The following BTD variants were observed in gnomAD, a reference collection of about 807,000 sequenced individuals.
BTD encodes the protein biotinidase.
In BTD, 13 loss-of-function variants were observed where a neutral mutation model predicts 17.7. The observed-to-expected ratio is 0.74, with a 90% CI of 0.48 to 1.17. The LOEUF (loss-of-function observed/expected upper bound fraction) is 1.17, where lower values mean the gene tolerates loss of function less well. Ranked by LOEUF, BTD falls within the 50% of genes most tolerant of loss-of-function variation. The pLI is 0.00. For synonymous variants in BTD, 240 were observed against 245.2 expected, an observed-to-expected ratio of 0.98 and a Z score of 0.20; for missense variants, 674 against 650.4, an observed-to-expected ratio of 1.04 and a Z score of -0.39.
At chr3:15,638,830 T>C (rs2065427331) in intron 2 of BTD, among the ~76,000 whole-genome samples, 1 of 152,272 alleles carries the variant, frequency 6.6e-6, no homozygotes, top group Non-Finnish European at 1.5e-5. Flanking sequence ...AGCATATTAC[T>C]GTACTGAACA....
chr3:15,637,122 G>A (rs1438853163), intron 2 of BTD, among the ~76,000 whole-genome samples: 1 of 152,076 alleles, frequency 6.6e-6, no homozygotes, highest in Non-Finnish European at 1.5e-5. Flanking sequence ...CACCTTTGAG[G>A]ACAGCTGTCA....
Position 15,653,427 on chromosome 3 carries a change from A to AG in BTD, c.*7941dup, listed in dbSNP as rs1345304486. ...AGACTAAACAGAATCCCAGCAACAT[A>AG]GGACGAGGCTGGAATTCCCACACCT... On this transcript the variant is annotated 3_prime_UTR_variant, in exon 4 of 4. Coordinates refer to ENST00000643237, the MANE Select transcript of BTD (RefSeq NM_001370658.1). 6.6e-6 allele frequency among the ~76,000 whole-genome samples: 1 copy of AG among 152,268 alleles called. No homozygotes were observed. The highest frequency in any genetic ancestry group is 2.4e-5 in the African/African-American group (1 of 41,478).
chr3:15,702,121 T>C (rs1319852063), intron 3 of BTD, among the ~76,000 whole-genome samples: 1 of 152,210 alleles, frequency 6.6e-6, no homozygotes, highest in Non-Finnish European at 1.5e-5. Context: ...CTCTAACAAA[T>C]GAAAAAGATT....
At chr3:15,603,390 G>A (rs1016086880) in intron 1 of BTD, among the ~76,000 whole-genome samples, 5 of 152,226 alleles carry the variant, frequency 3.3e-5, no homozygotes, top group Non-Finnish European at 7.3e-5. Flanking sequence ...GGGCGCAGTG[G>A]CTCACACCTG....
Position 15,645,421 on chromosome 3 carries a change from G to A in BTD, c.1505G>A (p.Arg502Lys). 6.2e-7 allele frequency: 1 copy of A among 1,613,998 alleles called. No individual in the cohort carries two copies. The highest frequency in any genetic ancestry group is 2.2e-5 in the East Asian group (1 of 44,890). The change falls in exon 4 of 4, where the codon AGG (arginine) becomes AAG (lysine). Residue 502 changes from arginine (R) to lysine (K), a missense_variant. Arg to Lys is a conservative substitution (Grantham distance 26, BLOSUM62 2). Coordinates refer to ENST00000643237, the MANE Select transcript of BTD (RefSeq NM_001370658.1). ...LGWENDHYFL[R>K]KSRLSSGLVT... ...TGGGAGAATGACCACTATTTCCTGA[G>A]GAAAAGTAGGCTGTCCTCTGGGCTG...
At chr3:15,625,437 A>C (rs74889717) in intron 1 of BTD, among the ~76,000 whole-genome samples, 3,811 of 152,286 alleles carry the variant, frequency 0.025, 161 homozygotes, top group African/African-American at 0.085. Flanking sequence ...TTTTTTCTCC[A>C]GTCTTCATTG....
At chr3:15,627,398 A>T (rs188395335) in intron 1 of BTD, among the ~76,000 whole-genome samples, 8 of 152,136 alleles carry the variant, frequency 5.3e-5, no homozygotes, top group South Asian at 4.2e-4. Context: ...AATTAAAAAA[A>T]TTTTTTTTTG....
At position 15,642,029 on chromosome 3, in the gene BTD, T is replaced by C; in HGVS notation, c.371T>C (p.Leu124Pro). Residue 124 changes from leucine (L) to proline (P), a missense_variant, in exon 3 of 4, where the codon CTG becomes CCG. Coordinates refer to ENST00000643237, the MANE Select transcript of BTD (RefSeq NM_001370658.1). ...SPQVVRWNPC[L>P]EPHRFNDTEV... ...CAGGTGGTCAGGTGGAACCCATGCC[T>C]GGAGCCTCACCGCTTCAATGACACA... 1 of 1,614,200 alleles carries C rather than the reference T, an allele frequency of 6.2e-7. No homozygotes were observed. The highest frequency in any genetic ancestry group is 1.3e-5 in the African/African-American group (1 of 75,068).
At chr3:15,699,311 C>T (rs983524651) in intron 3 of BTD, among the ~76,000 whole-genome samples, 12 of 152,112 alleles carry the variant, frequency 7.9e-5, no homozygotes, top group African/African-American at 2.9e-4. Flanking sequence ...CTAGGGCATA[C>T]CATTCAGGGC....
At chr3:15,670,693 T>G in intron 3 of BTD, 1 of 918,254 alleles carries the variant, frequency 1.1e-6, no homozygotes, top group Non-Finnish European at 1.6e-6. Context: ...GTAACCAGCA[T>G]GATTCGCAAG....
intron 3 of BTD, among the ~76,000 whole-genome samples, chr3:15,688,749 C>T (rs960610034): frequency 2.6e-5 from 4 of 152,198 alleles, no homozygotes; most frequent in Admixed American, 6.5e-5. Context: ...GCCAGTGATA[C>T]GCAGTGGGTA....
intron 3 of BTD, chr3:15,689,977 G>A: frequency 6.7e-7 from 1 of 1,497,162 alleles, no homozygotes; most frequent in Non-Finnish European, 9.1e-7. Context: ...AAAAAGTATT[G>A]GATAGAAGTT....
At chr3:15,695,049 T>C (rs1216637940) in intron 3 of BTD, 3 of 782,988 alleles carry the variant, frequency 3.8e-6, no homozygotes, top group Non-Finnish European at 6.4e-6. Flanking sequence ...CTTTCCTCTG[T>C]ACACATGATT....
intron 4 of BTD, among the ~76,000 whole-genome samples, chr3:15,718,004 G>C (rs1035010075): frequency 6.6e-6 from 1 of 152,090 alleles, no homozygotes; most frequent in Admixed American, 6.6e-5. Flanking sequence ...AAGAATATGA[G>C]GGTTAGTAAA....
intron 3 of BTD, among the ~76,000 whole-genome samples, chr3:15,706,112 C>T (rs1210657256): frequency 6.6e-6 from 1 of 151,192 alleles, no homozygotes; most frequent in Non-Finnish European, 1.5e-5. Flanking sequence ...TATTGTTATA[C>T]TTTGTTCTAG....
At chr3:15,685,017 G>C in intron 3 of BTD, 1 of 578,942 alleles carries the variant, frequency 1.7e-6, no homozygotes, top group Non-Finnish European at 3.1e-6. Flanking sequence ...GCTTATCTCA[G>C]AACACCTTTG....
chr3:15,632,069 G>C (rs1005725589), intron 1 of BTD, among the ~76,000 whole-genome samples: 1 of 152,088 alleles, frequency 6.6e-6, no homozygotes, highest in Non-Finnish European at 1.5e-5. Flanking sequence ...CCTGCCTCAG[G>C]CTCTCTGCCT....
At chr3:15,706,282 T>A (rs1320237880) in intron 3 of BTD, among the ~76,000 whole-genome samples, 2 of 151,670 alleles carry the variant, frequency 1.3e-5, no homozygotes, top group Non-Finnish European at 2.9e-5. Context: ...GATGTTCCCC[T>A]TCCTGTGTCC....
chr3:15,642,263 T>A (rs1311994567), intron 3 of BTD: 18 of 1,435,654 alleles, frequency 1.3e-5, no homozygotes, highest in Non-Finnish European at 1.6e-5. Context: ...TCTATGGATC[T>A]TTCCATTTAT....
Sources: gnomAD v4.1 joint callset for allele counts (sites outside exome capture counted in the v4.1 genomes callset) on GRCh38, gnomAD v4.1.1 for gene constraint, MANE v1.5 for transcripts, NCBI Gene and HGNC (gene_info 2026-07-23, HGNC 2026-07-21) for gene names.